The following SGCZ variants were observed in gnomAD, a reference collection of about 807,000 sequenced individuals.
SGCZ encodes zeta-sarcoglycan.
SGCZ carries 40 observed loss-of-function variants against 41.3 expected under a neutral mutation model. That is an observed-to-expected ratio of 0.97 (90% CI 0.75 to 1.26). The LOEUF is 1.26. Ranked by LOEUF, SGCZ falls within the 50% of genes most tolerant of loss-of-function variation. The pLI, the probability that SGCZ is intolerant of heterozygous loss-of-function variation, is 0.00. For synonymous variants in SGCZ, 206 were observed against 137.5 expected (o/e 1.50, Z -3.49); for missense variants, 552 against 369.8 (o/e 1.49, Z -4.04).
chr8:14,410,055 C>A (rs756124475), intron 2 of SGCZ, among the ~76,000 whole-genome samples: 2 of 152,118 alleles, frequency 1.3e-5, no homozygotes, highest in Non-Finnish European at 2.9e-5. Context: ...GCATTACCGT[C>A]TGAGCTCCGC....
chr8:14,127,002 C>T (rs1802882225), intron 5 of SGCZ, among the ~76,000 whole-genome samples: 1 of 151,974 alleles, frequency 6.6e-6, no homozygotes. Flanking sequence ...GGGAGAGCAT[C>T]AGGACAAATA....
chr8:14,209,328 G>C (rs1281845437), intron 4 of SGCZ, among the ~76,000 whole-genome samples: 2 of 151,994 alleles, frequency 1.3e-5, no homozygotes, highest in South Asian at 2.1e-4. Context: ...CAGGGAGAGA[G>C]CTGTTCTGCT....
intron 1 of SGCZ, among the ~76,000 whole-genome samples, chr8:14,656,321 C>T (rs1807566744): frequency 1.3e-5 from 2 of 151,462 alleles, no homozygotes; most frequent in Admixed American, 6.6e-5. Flanking sequence ...GCCCTCCTTC[C>T]TCCTCCTCTA....
chr8:14,521,068 C>T (rs1563382978), intron 2 of SGCZ, among the ~76,000 whole-genome samples: 1 of 152,082 alleles, frequency 6.6e-6, no homozygotes, highest in Non-Finnish European at 1.5e-5. Flanking sequence ...TCGTACTCAG[C>T]TTCCCCCAAT....
chr8:15,237,543 C>A, intron 1 of SGCZ, 42 bp downstream of exon 1: 3 of 1,574,616 alleles, frequency 1.9e-6, no homozygotes, highest in Non-Finnish European at 2.6e-6. Flanking sequence ...GAGCAGGGAG[C>A]GCCGAGAAGC....
rs570165060 is a variant in SGCZ at position 15,077,867 on chromosome 8, AG to A, written c.39+159717del. Among the ~76,000 whole-genome samples, 182 of 152,208 alleles carry A rather than the reference AG, an allele frequency of 1.2e-3. 1 individual carries two copies. Among genetic ancestry groups the A allele is most frequent in the Non-Finnish European group, 2.0e-3 (134 of 68,040 alleles). ...TCTTTAAAAACCTTTTGAGAGATGC[AG>A]GAGGCAGACAAATGCCTAGGCAGAT... On this transcript the variant is annotated intron_variant, in intron 1 of 7. Transcript: ENST00000382080.
intron 4 of SGCZ, among the ~76,000 whole-genome samples, chr8:14,223,841 C>T (rs1806285167): frequency 6.6e-6 from 1 of 152,194 alleles, no homozygotes. Context: ...TCTGCTTTTT[C>T]TCCCACTAGG....
chr8:14,534,610 T>C (rs181335952), intron 2 of SGCZ, among the ~76,000 whole-genome samples: 1 of 152,044 alleles, frequency 6.6e-6, no homozygotes, highest in African/African-American at 2.4e-5. Context: ...GTTGAGCAAA[T>C]AGCTAATTAC....
chr8:14,733,141 T>A (rs1033097394), intron 1 of SGCZ, among the ~76,000 whole-genome samples: 11 of 152,020 alleles, frequency 7.2e-5, no homozygotes, highest in Non-Finnish European at 1.5e-4. Context: ...AGCCCCAGCT[T>A]TCAAAGGGCT....
chr8:14,235,272 G>T (rs1382140), intron 4 of SGCZ, among the ~76,000 whole-genome samples: 145,685 of 152,300 alleles, frequency 0.96, 69,768 homozygotes, highest in East Asian at 1. Context: ...ACTAAAATAT[G>T]CAAACCAGCA....
At chr8:15,110,083 C>T (rs1464505812) in intron 1 of SGCZ, among the ~76,000 whole-genome samples, 1 of 152,066 alleles carries the variant, frequency 6.6e-6, no homozygotes, top group Admixed American at 6.5e-5. Flanking sequence ...AAAAATCTAT[C>T]GTGAGCTTAG....
intron 2 of SGCZ, among the ~76,000 whole-genome samples, chr8:14,441,406 C>A (rs1800260469): frequency 6.6e-6 from 1 of 152,084 alleles, no homozygotes; most frequent in African/African-American, 2.4e-5. Context: ...GAAACCCCGT[C>A]TCTACTGAAA....
intron 2 of SGCZ, among the ~76,000 whole-genome samples, chr8:14,495,160 A>G (rs1024966064): frequency 5.9e-5 from 9 of 152,146 alleles, no homozygotes; most frequent in Non-Finnish European, 5.9e-5. Context: ...AAAAGAAGAT[A>G]AAGAGGAATA....
At chr8:15,073,340 G>T (rs980286876) in intron 1 of SGCZ, among the ~76,000 whole-genome samples, 1 of 152,104 alleles carries the variant, frequency 6.6e-6, no homozygotes, top group East Asian at 1.9e-4. Context: ...TTTCCGAGTT[G>T]CTGAGTGAAG....
At chr8:15,103,809 G>A (rs934358883) in intron 1 of SGCZ, among the ~76,000 whole-genome samples, 3 of 151,832 alleles carry the variant, frequency 2.0e-5, no homozygotes, top group African/African-American at 4.8e-5. Flanking sequence ...GAAACATGAA[G>A]AAAAGGAAAA....
At chr8:14,649,933 A>T (rs1376994177) in intron 1 of SGCZ, among the ~76,000 whole-genome samples, 1 of 152,032 alleles carries the variant, frequency 6.6e-6, no homozygotes, top group Non-Finnish European at 1.5e-5. Flanking sequence ...GAAAGTTTGT[A>T]TGGTTTAGGG....
chr8:14,662,280 CAG>C (rs1394576423), intron 1 of SGCZ, among the ~76,000 whole-genome samples: 1 of 152,170 alleles, frequency 6.6e-6, no homozygotes, highest in African/African-American at 2.4e-5. Context: ...TGGATTCAAA[CAG>C]ATGTTATTTC....
At chr8:14,522,014 C>T (rs1018308976) in intron 2 of SGCZ, among the ~76,000 whole-genome samples, 10 of 152,016 alleles carry the variant, frequency 6.6e-5, no homozygotes, top group African/African-American at 2.2e-4. Flanking sequence ...TGTTCTTTCA[C>T]AAATATGATC....
At chr8:14,376,966 C>A (rs1000288698) in intron 2 of SGCZ, among the ~76,000 whole-genome samples, 2 of 152,156 alleles carry the variant, frequency 1.3e-5, no homozygotes, top group African/African-American at 4.8e-5. Context: ...AACTTCTAAG[C>A]CCTCTGAATT....
Sources: allele counts gnomAD v4.1 joint callset (sites outside exome capture counted in the v4.1 genomes callset), GRCh38; gene constraint gnomAD v4.1.1; transcripts MANE v1.5; gene names NCBI Gene and HGNC (gene_info 2026-07-23, HGNC 2026-07-21).